SPC25: variants seen among roughly 807,000 people sequenced by gnomAD.
SPC25 encodes kinetochore protein Spc25.
In SPC25, 22 loss-of-function variants were observed where a neutral mutation model predicts 29.6. The observed-to-expected ratio is 0.74, with a 90% CI of 0.53 to 1.06. The LOEUF is 1.06. Ranked by LOEUF, SPC25 falls within the 50% of genes least tolerant of loss-of-function variation. The probability of loss-of-function intolerance (pLI) is 0.00; values close to 1 mark genes in which losing one functional copy is unlikely to be tolerated. For synonymous variants in SPC25, 91 were observed against 90.4 expected (o/e 1.01, Z -0.04); for missense variants, 230 against 255.8 (o/e 0.90, Z 0.69).
intron 4 of SPC25, among the ~76,000 whole-genome samples, chr2:168,876,655 C>T (rs1043486447): frequency 4.7e-5 from 7 of 147,730 alleles, no homozygotes; most frequent in Non-Finnish European, 7.5e-5. Flanking sequence ...TAAAGTAGCA[C>T]AATAGTCCCT....
At chr2:168,864,941 A>C (rs1425249493) in intron 4 of SPC25, 1 of 1,614,160 alleles carries the variant, frequency 6.2e-7, no homozygotes, top group South Asian at 1.1e-5. Context: ...GTTACCTTCA[A>C]ATGCTGGCAA....
At chr2:168,883,039 G>A (rs1265226815) in intron 3 of SPC25, among the ~76,000 whole-genome samples, 3 of 151,882 alleles carry the variant, frequency 2.0e-5, no homozygotes, top group Non-Finnish European at 4.4e-5. Flanking sequence ...AGTTACCCTA[G>A]GGAAATAGGA....
intron 4 of SPC25, among the ~76,000 whole-genome samples, chr2:168,864,598 A>G (rs567044420): frequency 6.6e-6 from 1 of 152,296 alleles, no homozygotes; most frequent in African/African-American, 2.4e-5. Flanking sequence ...CCTGTCTTTA[A>G]GCAATTATTT....
At chr2:168,866,394 TAA>T (rs1287378307), downstream of SPC25, among the ~76,000 whole-genome samples, 1 of 152,266 alleles carries the variant, frequency 6.6e-6, no homozygotes, top group Non-Finnish European at 1.5e-5. Context: ...CCCTATTTAA[TAA>T]ATGGTGCTGG....
chr2:168,864,785 G>A, intron 4 of SPC25: 4 of 1,605,194 alleles, frequency 2.5e-6, no homozygotes, highest in Non-Finnish European at 3.4e-6. Context: ...TCGGGCTGAG[G>A]CATGTGTTCA....
At chr2:168,865,131 ACAGT>A in intron 4 of SPC25, 1 of 759,254 alleles carries the variant, frequency 1.3e-6, no homozygotes, top group South Asian at 1.9e-5. Context: ...TTAGCTTGAA[ACAGT>A]CAGAAAAAAG....
At position 168,873,661 on chromosome 2, in the gene SPC25, G is replaced by A; in HGVS notation, c.474C>T (p.Phe158=). 3.7e-6 allele frequency: 6 copies of A among 1,610,798 alleles called. No individual in the cohort carries two copies. The highest frequency in any genetic ancestry group is 5.1e-6 in the Non-Finnish European group (6 of 1,177,684). The change falls in exon 6 of 7, where the codon TTC becomes TTT. Residue 158 remains phenylalanine (F), a synonymous_variant. Coordinates refer to ENST00000282074, the MANE Select transcript of SPC25 (RefSeq NM_020675.4). The stretch of plus-strand genomic sequence containing the variant: ...CAGGATTCTTAGGGTCAATATTAGT[G>A]AAAATAAACTGCAATTTCTCACCTG... The part of the protein sequence containing the change: ...KIYGEKLQFI[F]TNIDPKNPES...
At position 168,871,522 on chromosome 2, in the gene SPC25, G is replaced by A; in HGVS notation, c.584C>T (p.Ala195Val). 1 of 1,603,820 alleles carries A rather than the reference G, an allele frequency of 6.2e-7. No individual in the cohort carries two copies. Among genetic ancestry groups the A allele is most frequent in the South Asian group, 1.1e-5 (1 of 88,372 alleles). The change falls in exon 7 of 7, where the codon GCA becomes GTA. Residue 195 changes from alanine to valine, a missense_variant. By Grantham distance (64) the Ala-to-Val change is moderately conservative. Coordinates refer to ENST00000282074, the MANE Select transcript of SPC25 (RefSeq NM_020675.4). ...CTTCCTTACATTCTCTTGAAATTCT[G>A]CTAGGCCCTCAAGATGAGGGGCACT... is the stretch of plus-strand genomic sequence containing the variant. The part of the protein sequence containing the change: ...SDSAPHLEGL[A>V]EFQENVRKTN...
intron 4 of SPC25, among the ~76,000 whole-genome samples, chr2:168,863,888 G>A (rs1406163967): frequency 6.6e-6 from 1 of 152,032 alleles, no homozygotes; most frequent in African/African-American, 2.4e-5. Context: ...GGCAGCATAA[G>A]GATATATGAT....
At chr2:168,871,934 G>T in intron 6 of SPC25, among the ~76,000 whole-genome samples, 1 of 149,002 alleles carries the variant, frequency 6.7e-6, no homozygotes. Context: ...TGGTCTGACT[G>T]ACTTTTCATT....
downstream of SPC25, among the ~76,000 whole-genome samples, chr2:168,869,081 T>C (rs1207360543): frequency 6.6e-6 from 1 of 152,156 alleles, no homozygotes; most frequent in East Asian, 1.9e-4. Flanking sequence ...TAATCCAGCA[T>C]ATAAACAGAA....
chr2:168,866,391 TAATA>T (rs1214120752), downstream of SPC25, among the ~76,000 whole-genome samples: 4 of 152,282 alleles, frequency 2.6e-5, no homozygotes, highest in African/African-American at 9.6e-5. Context: ...ATTCCCTATT[TAATA>T]AATGGTGCTG....
chr2:168,873,722 CA>C, intron 5 of SPC25, 39 bp from the exon 6 acceptor site: 1 of 1,325,160 alleles, frequency 7.5e-7, no homozygotes, highest in Admixed American at 1.7e-5. Flanking sequence ...TCAAAGCTTT[CA>C]ATGGAGATAC....
At chr2:168,872,017 C>A (rs1420150888) in intron 6 of SPC25, among the ~76,000 whole-genome samples, 4 of 151,238 alleles carry the variant, frequency 2.6e-5, no homozygotes, top group Admixed American at 2.0e-4. Context: ...GATTTGTCAC[C>A]AAGCCTGGAA....
chr2:168,889,167 T>C, intron 3 of SPC25, 59 bp downstream of exon 3: 1 of 1,469,414 alleles, frequency 6.8e-7, no homozygotes, highest in Non-Finnish European at 9.4e-7. Flanking sequence ...GTATGAGAGA[T>C]TTCATGATAA....
chr2:168,869,894 G>A (rs1348611401), downstream of SPC25, among the ~76,000 whole-genome samples: 2 of 151,900 alleles, frequency 1.3e-5, no homozygotes, highest in African/African-American at 4.8e-5. Flanking sequence ...AGCCCGCATT[G>A]CCAAGTCAAT....
intron 3 of SPC25, among the ~76,000 whole-genome samples, chr2:168,881,001 G>T (rs891683468): frequency 6.6e-6 from 1 of 152,152 alleles, no homozygotes; most frequent in Admixed American, 6.5e-5. Context: ...TGACAGATAC[G>T]AAGTCACCAC....
chr2:168,863,493 A>C (rs1360690204), intron 4 of SPC25: 3 of 985,300 alleles, frequency 3.0e-6, no homozygotes, highest in South Asian at 4.7e-5. Flanking sequence ...AAGGGGGCAG[A>C]TCTTTCTACT....
rs1032428169 is a variant in SPC25, at chr2:168,871,348, G to C, written c.*83C>G. On this transcript the variant is annotated 3_prime_UTR_variant, in exon 7 of 7. Coordinates refer to ENST00000282074, the MANE Select transcript of SPC25 (RefSeq NM_020675.4). The stretch of plus-strand genomic sequence containing the variant: ...GTGCACATGTACCCTAAAACTTAAA[G>C]TATAATAATAATAAAAACAAGAAAA... The C allele has an allele frequency of 7.8e-7, 1 of 1,274,272 alleles. No individual in the cohort carries two copies. Among genetic ancestry groups the C allele is most frequent in the Admixed American group, 3.0e-5 (1 of 33,300 alleles). The allele number at this position is 1,274,272 out of a possible 1,614,324, so 78.9% of individuals were successfully genotyped here. A position where few individuals can be genotyped will look rare whatever the true frequency, so the allele number is the denominator to read the frequency against.
Sources: gnomAD v4.1 joint callset for allele counts (sites outside exome capture counted in the v4.1 genomes callset) on GRCh38, gnomAD v4.1.1 for gene constraint, MANE v1.5 for transcripts, NCBI Gene and HGNC (gene_info 2026-07-23, HGNC 2026-07-21) for gene names.